The following TMEM132C variants were observed in gnomAD, a reference collection of about 807,000 sequenced individuals.
TMEM132C encodes the protein protein phosphatase 1, regulatory subunit 152.
In TMEM132C, 29 loss-of-function variants were observed where a neutral mutation model predicts 61.4. The observed-to-expected ratio is 0.47, with a 90% CI of 0.35 to 0.64. The LOEUF is 0.64. Among genes scored for constraint, TMEM132C ranks in the 30% least tolerant of loss-of-function variants. The pLI, the probability that TMEM132C is intolerant of heterozygous loss-of-function variation, is 0.00. For synonymous variants in TMEM132C, 656 were observed against 633.1 expected (o/e 1.04, Z -0.54); for missense variants, 1,408 against 1,476.9 (o/e 0.95, Z 0.76).
At chr12:128,553,540 T>C (rs1479927798) in intron 3 of TMEM132C, among the ~76,000 whole-genome samples, 1 of 152,220 alleles carries the variant, frequency 6.6e-6, no homozygotes, top group African/African-American at 2.4e-5. Flanking sequence ...TGTCCCATAC[T>C]TAGCTTTTTA....
rs868366424 is a variant in TMEM132C, at chr12:128,453,124, G to A, written c.974+37504G>A. Among the ~76,000 whole-genome samples, 3 of 152,192 alleles carry A rather than the reference G, an allele frequency of 2.0e-5. No homozygotes were observed. In the South Asian group the frequency reaches 6.2e-4, roughly 32 times the overall value. Reference sequence around the variant, plus strand: ...CCGTGTTGATTCTTTAGTGACTGCAGTGTGACGGAGTGTCCCTGCGAAGGT... The same window carrying A: ...CCGTGTTGATTCTTTAGTGACTGCAATGTGACGGAGTGTCCCTGCGAAGGT... On this transcript the variant is annotated intron_variant, in intron 2 of 8. Coordinates refer to ENST00000435159, the MANE Select transcript of TMEM132C (RefSeq NM_001136103.3).
At chr12:128,507,501 G>A (rs11059728) in intron 2 of TMEM132C, among the ~76,000 whole-genome samples, 51,413 of 147,526 alleles carry the variant, frequency 0.35, 9,176 homozygotes, top group East Asian at 0.57. Flanking sequence ...GGCACTGTCT[G>A]TGTGCTTCAT....
chr12:128,466,227 C>T (rs549270224), intron 2 of TMEM132C, among the ~76,000 whole-genome samples: 35 of 152,246 alleles, frequency 2.3e-4, no homozygotes, highest in African/African-American at 8.2e-4. Context: ...CAACCTCCCT[C>T]TGGGAGCTGC....
chr12:128,557,618 C>T (rs902122651), intron 3 of TMEM132C, among the ~76,000 whole-genome samples: 1 of 152,190 alleles, frequency 6.6e-6, no homozygotes, highest in African/African-American at 2.4e-5. Context: ...GACTAGATTT[C>T]TAATATCCCC....
chr12:128,416,243 G>A (rs1212009332), intron 2 of TMEM132C, among the ~76,000 whole-genome samples: 1 of 152,092 alleles, frequency 6.6e-6, no homozygotes, highest in Non-Finnish European at 1.5e-5. Context: ...CTGTCACCAT[G>A]GCGGGTTCAA....
At position 128,684,507 on chromosome 12, in the gene TMEM132C, C is replaced by T. The variant is rs563120961; in HGVS notation, c.1450-9322C>T. On this transcript the variant is annotated intron_variant, in intron 5 of 8. Coordinates refer to ENST00000435159, the MANE Select transcript of TMEM132C (RefSeq NM_001136103.3). ...GTGGGGCGGGCAACCAGCCATCTCC[C>T]CTTCCTCCTCCCCAAGCTGGGCCAG... Among the ~76,000 whole-genome samples, 130 of 152,354 alleles carry T rather than the reference C, an allele frequency of 8.5e-4. 1 individual carries two copies. The highest frequency in any genetic ancestry group is 2.9e-3 in the African/African-American group (122 of 41,580).
intron 4 of TMEM132C, among the ~76,000 whole-genome samples, chr12:128,646,702 G>A (rs1213674750): frequency 6.6e-6 from 1 of 152,162 alleles, no homozygotes; most frequent in African/African-American, 2.4e-5. Flanking sequence ...TTGGATGTGA[G>A]TGTGTTTAGC....
At chr12:128,307,509 G>GC (rs1871823833) in intron 1 of TMEM132C, among the ~76,000 whole-genome samples, 1 of 151,694 alleles carries the variant, frequency 6.6e-6, no homozygotes, top group African/African-American at 2.4e-5. Flanking sequence ...CAATTGTTTT[G>GC]CAGGATAAAT....
intron 1 of TMEM132C, among the ~76,000 whole-genome samples, chr12:128,292,273 CA>C (rs953966620): frequency 6.6e-6 from 1 of 152,124 alleles, no homozygotes; most frequent in Non-Finnish European, 1.5e-5. Flanking sequence ...GAATGAAAGG[CA>C]AAACTTAGAG....
At chr12:128,562,247 A>C (rs1481334284) in intron 3 of TMEM132C, among the ~76,000 whole-genome samples, 1 of 152,194 alleles carries the variant, frequency 6.6e-6, no homozygotes, top group African/African-American at 2.4e-5. Context: ...AAACGTAGCA[A>C]CACCTATTTT....
intron 3 of TMEM132C, among the ~76,000 whole-genome samples, chr12:128,555,778 G>A (rs535576268): frequency 5.3e-5 from 8 of 151,538 alleles, no homozygotes; most frequent in South Asian, 4.2e-4. Context: ...GCAGTGGCAC[G>A]GTCATGGCTC....
chr12:128,660,678 AT>A (rs1954378936), intron 4 of TMEM132C, among the ~76,000 whole-genome samples: 1 of 152,212 alleles, frequency 6.6e-6, no homozygotes, highest in African/African-American at 2.4e-5. Context: ...GCCAAGCCCC[AT>A]TTGCCCATGT....
chr12:128,334,470 T>A (rs1454054684), intron 1 of TMEM132C, among the ~76,000 whole-genome samples: 1 of 152,364 alleles, frequency 6.6e-6, no homozygotes, highest in East Asian at 1.9e-4. Flanking sequence ...CAACCCTCTT[T>A]AGAAGACGTT....
chr12:128,620,541 A>G (rs1953954261), intron 4 of TMEM132C, among the ~76,000 whole-genome samples: 1 of 152,204 alleles, frequency 6.6e-6, no homozygotes, highest in Admixed American at 6.5e-5. Context: ...TTTGAAATTA[A>G]AACAAAACAA....
At chr12:128,583,661 C>T (rs1350078852) in intron 3 of TMEM132C, among the ~76,000 whole-genome samples, 1 of 152,200 alleles carries the variant, frequency 6.6e-6, no homozygotes, top group Non-Finnish European at 1.5e-5. Context: ...AGGGGAACTA[C>T]TGCTCCTTGG....
chr12:128,539,575 G>C (rs11059750), intron 2 of TMEM132C, among the ~76,000 whole-genome samples: 69,731 of 152,038 alleles, frequency 0.46, 18,714 homozygotes, highest in Non-Finnish European at 0.61. Context: ...CCGAGATGGC[G>C]CCATTGCACT....
chr12:128,295,013 A>AGGTAGATAGAT (rs1566046102), intron 1 of TMEM132C, among the ~76,000 whole-genome samples: 1 of 147,354 alleles, frequency 6.8e-6, no homozygotes, highest in South Asian at 2.3e-4. Context: ...GTAGATAGAT[A>AGGTAGATAGAT]AGAAGTTCAA....
At position 128,694,044 on chromosome 12, in the gene TMEM132C, G is replaced by C. The variant is rs535095828; in HGVS notation, c.1655+10G>C. The C allele has an allele frequency of 1.0e-5, 16 of 1,551,150 alleles. No individual in the cohort carries two copies. Among genetic ancestry groups the C allele is most frequent in the Non-Finnish European group, 1.2e-5 (14 of 1,146,794 alleles). ...TTGTGACCAATAAGAGGTGAGCCTC[G>C]GATGGGGAGATGCCCTAGAGCCAAA... On this transcript the variant is annotated intron_variant, in intron 6 of 8. Transcript: ENST00000435159.
At chr12:128,663,906 ACACAGGCACACACACC>A (rs1254694818) in intron 4 of TMEM132C, among the ~76,000 whole-genome samples, 314 of 146,430 alleles carry the variant, frequency 2.1e-3, no homozygotes, top group Middle Eastern at 0.012. Context: ...ACATGCACGC[ACACAGGCACACACACC>A]TGCACGCACG....
Sources: gnomAD v4.1 joint callset for allele counts (sites outside exome capture counted in the v4.1 genomes callset) on GRCh38, gnomAD v4.1.1 for gene constraint, MANE v1.5 for transcripts, NCBI Gene and HGNC (gene_info 2026-07-23, HGNC 2026-07-21) for gene names.